ROR1: variants seen among roughly 807,000 people sequenced by gnomAD.
The protein encoded by ROR1 is ROR family WNT receptor 1.
ROR1 carries 19 observed loss-of-function variants against 78.8 expected under a neutral mutation model. The observed-to-expected ratio is 0.24, with a 90% CI of 0.17 to 0.35. The LOEUF is 0.35. ROR1 is among the 10% of genes least tolerant of loss of function. ROR1 has a pLI of 1.00. For missense variants in ROR1, 917 were observed against 1,177.8 expected, an observed-to-expected ratio of 0.78 and a Z score of 3.24; for synonymous variants, 386 against 433.6, an observed-to-expected ratio of 0.89 and a Z score of 1.36.
intron 1 of ROR1, among the ~76,000 whole-genome samples, chr1:63,989,794 C>T (rs150393987): frequency 3.9e-4 from 60 of 152,272 alleles, no homozygotes; most frequent in African/African-American, 1.4e-3. Flanking sequence ...ATCACACCAT[C>T]TCTCCCCTTA....
chr1:63,916,011 C>A (rs705528), intron 1 of ROR1, among the ~76,000 whole-genome samples: 32 of 152,112 alleles, frequency 2.1e-4, no homozygotes, highest in Non-Finnish European at 4.3e-4. Flanking sequence ...CCTCTCTAGA[C>A]ACTCTAGAAT....
intron 8 of ROR1, among the ~76,000 whole-genome samples, chr1:64,167,819 C>T (rs905305777): frequency 3.9e-5 from 6 of 152,206 alleles, no homozygotes; most frequent in East Asian, 3.9e-4. Context: ...AGAGCATCAA[C>T]GGAGTGAGGT....
intron 4 of ROR1, among the ~76,000 whole-genome samples, chr1:64,086,747 A>G (rs1307725836): frequency 6.6e-6 from 1 of 152,136 alleles, no homozygotes; most frequent in Non-Finnish European, 1.5e-5. Flanking sequence ...CCTGTAGAAC[A>G]TCTTTATTAC....
chr1:64,168,606 G>A (rs1206876691), intron 8 of ROR1, among the ~76,000 whole-genome samples: 2 of 152,048 alleles, frequency 1.3e-5, no homozygotes, highest in Non-Finnish European at 2.9e-5. Flanking sequence ...CTAAATGATT[G>A]GCTCTAATTG....
chr1:63,849,401 A>G (rs1645100288), intron 1 of ROR1, among the ~76,000 whole-genome samples: 1 of 152,148 alleles, frequency 6.6e-6, no homozygotes, highest in South Asian at 2.1e-4. Flanking sequence ...GTCTTATTTA[A>G]AATGCCTAAA....
intron 4 of ROR1, among the ~76,000 whole-genome samples, chr1:64,087,096 T>C (rs17126179): frequency 0.15 from 22,700 of 152,226 alleles, 1,779 homozygotes; most frequent in Middle Eastern, 0.2. Context: ...ATATACATGA[T>C]ACATAAGGTG....
chr1:64,075,416 C>T (rs1647041084), intron 4 of ROR1, among the ~76,000 whole-genome samples: 2 of 152,134 alleles, frequency 1.3e-5, no homozygotes, highest in Non-Finnish European at 2.9e-5. Flanking sequence ...CCTCATCTGT[C>T]CTTATACGAT....
At chr1:63,875,445 G>A (rs889235698) in intron 1 of ROR1, among the ~76,000 whole-genome samples, 11 of 152,060 alleles carry the variant, frequency 7.2e-5, no homozygotes, top group Admixed American at 3.3e-4. Context: ...CTGTTTCCTC[G>A]TCTGTGAAAA....
At chr1:63,921,390 G>A (rs893981006) in intron 1 of ROR1, among the ~76,000 whole-genome samples, 1 of 152,118 alleles carries the variant, frequency 6.6e-6, no homozygotes, top group Admixed American at 6.5e-5. Flanking sequence ...GAAGTAGCAA[G>A]ATCTTAGAGA....
intron 1 of ROR1, among the ~76,000 whole-genome samples, chr1:63,892,452 C>T (rs144196209): frequency 3.3e-5 from 5 of 152,222 alleles, no homozygotes; most frequent in East Asian, 3.9e-4. Context: ...AAATCATATT[C>T]CTGTAAACAC....
At chr1:63,913,220 T>C (rs1362417204) in intron 1 of ROR1, among the ~76,000 whole-genome samples, 1 of 152,180 alleles carries the variant, frequency 6.6e-6, no homozygotes, top group Non-Finnish European at 1.5e-5. Flanking sequence ...AAAATATGGA[T>C]ATATTAATGT....
intron 4 of ROR1, among the ~76,000 whole-genome samples, chr1:64,130,798 A>G (rs1008428543): frequency 1.3e-5 from 2 of 152,208 alleles, no homozygotes; most frequent in Non-Finnish European, 2.9e-5. Context: ...CCTTAATTTT[A>G]TAATGTAGCC....
chr1:64,070,915 G>A (rs78363252), intron 4 of ROR1, among the ~76,000 whole-genome samples: 6,442 of 152,280 alleles, frequency 0.042, 462 homozygotes, highest in African/African-American at 0.15. Flanking sequence ...TAACAGCTTG[G>A]TGAGTAAAGG....
chr1:63,893,959 C>T (rs1645420254), intron 1 of ROR1, among the ~76,000 whole-genome samples: 1 of 152,074 alleles, frequency 6.6e-6, no homozygotes, highest in Non-Finnish European at 1.5e-5. Flanking sequence ...CTCATTAAGT[C>T]AAGATCTTTT....
intron 4 of ROR1, among the ~76,000 whole-genome samples, chr1:64,073,481 T>G (rs1446818133): frequency 6.6e-6 from 1 of 152,186 alleles, no homozygotes; most frequent in Non-Finnish European, 1.5e-5. Flanking sequence ...CCCTAAGAAC[T>G]GGACATGATG....
Position 64,090,142 on chromosome 1 carries a change from G to A in ROR1, c.482+39426G>A, listed in dbSNP as rs141592368. ...TTGGGTGTGTCTTTATTAGCAGCAT[G>A]AGAACAGATTAATACAGAAGTCTTC... is the stretch of plus-strand genomic sequence containing the variant. On this transcript the variant is annotated intron_variant, in intron 4 of 8. Transcript: ENST00000371079. 4.4e-3 allele frequency among the ~76,000 whole-genome samples: 664 copies of A among 152,234 alleles called. 6 individuals carry two copies. Among genetic ancestry groups the A allele is most frequent in the African/African-American group, 0.015 (624 of 41,554 alleles).
intron 4 of ROR1, among the ~76,000 whole-genome samples, chr1:64,097,588 T>TATATAA (rs1389160751): frequency 1.3e-5 from 2 of 151,238 alleles, no homozygotes; most frequent in African/African-American, 2.4e-5. Flanking sequence ...TATATATATA[T>TATATAA]AAGGCCTTGA....
intron 1 of ROR1, among the ~76,000 whole-genome samples, chr1:63,809,381 A>G (rs893741376): frequency 2.0e-5 from 3 of 152,224 alleles, no homozygotes; most frequent in Admixed American, 2.0e-4. Context: ...TTTCCCTGGA[A>G]GAGCAATAGG....
At chr1:64,015,843 C>T (rs1646516665) in intron 2 of ROR1, among the ~76,000 whole-genome samples, 1 of 152,108 alleles carries the variant, frequency 6.6e-6, no homozygotes, top group Non-Finnish European at 1.5e-5. Context: ...AAGGTTGTCA[C>T]CTTGCCATTA....
Sources: allele counts gnomAD v4.1 joint callset (sites outside exome capture counted in the v4.1 genomes callset), GRCh38; gene constraint gnomAD v4.1.1; transcripts MANE v1.5; gene names NCBI Gene and HGNC (gene_info 2026-07-23, HGNC 2026-07-21).